Variants in MAGI3 observed in about 807,000 individuals in gnomAD.
The protein encoded by MAGI3 is membrane associated guanylate kinase, WW and PDZ domain containing 3, also known as membrane-associated guanylate kinase, WW and PDZ domain-containing protein 3.
In MAGI3, 43 loss-of-function variants were observed where a neutral mutation model predicts 121.8. That is an observed-to-expected ratio of 0.35 (90% confidence interval 0.28 to 0.46). The LOEUF (loss-of-function observed/expected upper bound fraction) is 0.46, where lower values mean the gene tolerates loss of function less well. MAGI3 is among the 20% of genes least tolerant of loss of function. The pLI is 1.00. For synonymous variants in MAGI3, 553 were observed against 639.3 expected (o/e 0.86, Z 2.04); for missense variants, 1,547 against 1,797.3 (o/e 0.86, Z 2.52).
At chr1:113,607,916 C>T (rs921115475) in intron 6 of MAGI3, among the ~76,000 whole-genome samples, 5 of 152,038 alleles carry the variant, frequency 3.3e-5, no homozygotes, top group Admixed American at 6.6e-5. Context: ...ACATATTTTT[C>T]GTCTTTGCCA....
At chr1:113,419,553 T>TG in intron 1 of MAGI3, among the ~76,000 whole-genome samples, 1 of 152,230 alleles carries the variant, frequency 6.6e-6, no homozygotes, top group East Asian at 1.9e-4. Context: ...TCTTTTGGGC[T>TG]GGGGGTGTAG....
intron 9 of MAGI3, among the ~76,000 whole-genome samples, chr1:113,623,856 A>T (rs1402999107): frequency 6.6e-6 from 1 of 151,762 alleles, no homozygotes; most frequent in Non-Finnish European, 1.5e-5. Context: ...CACCAACCCT[A>T]ACTACCCTTC....
At chr1:113,447,303 C>T (rs576532889) in intron 1 of MAGI3, among the ~76,000 whole-genome samples, 66 of 152,298 alleles carry the variant, frequency 4.3e-4, no homozygotes, top group Middle Eastern at 3.4e-3. Context: ...CAAGGGCCTT[C>T]TTGCTGCATT....
rs1655965408 is a variant in MAGI3 at position 113,478,617 on chromosome 1, A to T, written c.317-70898A>T. Among the ~76,000 whole-genome samples, 6 of 152,286 alleles carry T rather than the reference A, an allele frequency of 3.9e-5. No homozygotes were observed. The South Asian group carries it at 1.2e-3, about 32-fold the overall frequency. On this transcript the variant is annotated intron_variant, in intron 1 of 20. Transcript: ENST00000307546. ...ATTGCTGCCTGATCCTTCCTCTGGA[A>T]GCTTCGTCCCAGAGGGTCAGCTGTC...
chr1:113,475,839 T>G (rs193213074), intron 1 of MAGI3, among the ~76,000 whole-genome samples: 5 of 152,338 alleles, frequency 3.3e-5, no homozygotes, highest in Non-Finnish European at 5.9e-5. Context: ...AGAATTCGGC[T>G]GTGAATCCCT....
chr1:113,516,742 A>G (rs1051204343), intron 1 of MAGI3, among the ~76,000 whole-genome samples: 3 of 152,030 alleles, frequency 2.0e-5, no homozygotes, highest in Non-Finnish European at 4.4e-5. Context: ...AAAGAGCACA[A>G]TCAGTATAGG....
At position 113,683,196 on chromosome 1, in the gene MAGI3, A is replaced by G. The variant is rs770991791; in HGVS notation, c.3628A>G (p.Lys1210Glu). ...HGHSNKKNLL[K>E]VENGVTRRGR... Reference sequence around the variant, plus strand: ...GCACAGTAACAAGAAAAATCTATTAAAAGTAGAAAATGGTGTTACACGAAG... The same window carrying G: ...GCACAGTAACAAGAAAAATCTATTAGAAGTAGAAAATGGTGTTACACGAAG... Residue 1210 changes from lysine (K) to glutamate (E), a missense_variant, in exon 21 of 21, where the codon AAA (lysine) becomes GAA (glutamate). Physicochemically the swap from Lys to Glu is moderately conservative, Grantham distance 56. Transcript: ENST00000307546. 5 of 1,613,964 alleles carry G rather than the reference A, an allele frequency of 3.1e-6. No individual in the cohort carries two copies. In the East Asian group the frequency reaches 1.1e-4, roughly 36 times the overall value.
intron 1 of MAGI3, among the ~76,000 whole-genome samples, chr1:113,399,091 G>T (rs2101285721): frequency 1.3e-5 from 2 of 151,504 alleles, no homozygotes; most frequent in South Asian, 2.1e-4. Context: ...ATTATTATTT[G>T]GTTCTCTTTT....
intron 2 of MAGI3, among the ~76,000 whole-genome samples, chr1:113,550,450 A>G (rs529786053): frequency 1.3e-5 from 2 of 151,536 alleles, no homozygotes; most frequent in Non-Finnish European, 2.9e-5. Context: ...AAACTGGAAG[A>G]TTCTATATTG....
intron 6 of MAGI3, 72 bp from the exon 7 acceptor site, chr1:113,614,529 A>C: frequency 1.8e-6 from 2 of 1,122,818 alleles, no homozygotes; most frequent in African/African-American, 3.1e-5. Context: ...TGAAATAATA[A>C]ATTCACTCAC....
At position 113,683,946 on chromosome 1, in the gene MAGI3, G is replaced by C. The variant is rs781110393; in HGVS notation, c.4378G>C (p.Gly1460Arg). The C allele has an allele frequency of 1.9e-6, 3 of 1,608,972 alleles. No individual in the cohort carries two copies. Among genetic ancestry groups the C allele is most frequent in the South Asian group, 1.1e-5 (1 of 89,848 alleles). The change falls in exon 21 of 21, where the codon GGG (glycine) becomes CGG (arginine). Residue 1460 changes from glycine (G) to arginine (R), a missense_variant. Physicochemically the swap from Gly to Arg is moderately radical, Grantham distance 125. Transcript: ENST00000307546. ...AGTTAAGAAAACACTGATAACTCCA[G>C]GGCCCTGGAAGGTTCCAAGTGGAAA... ...SPVKKTLITP[G>R]PWKVPSGNKV...
chr1:113,646,457 A>T, intron 11 of MAGI3, 29 bp from the exon 12 acceptor site: 1 of 1,556,658 alleles, frequency 6.4e-7, no homozygotes, highest in Non-Finnish European at 8.7e-7. Context: ...TTTTTAAAAA[A>T]TACTAAGTAA....
At chr1:113,396,287 T>TTG (rs3058309) in intron 1 of MAGI3, among the ~76,000 whole-genome samples, 2,717 of 146,112 alleles carry the variant, frequency 0.019, 27 homozygotes, top group African/African-American at 0.026. Context: ...AATGTCAGGG[T>TTG]TGTGTGTGTG....
At chr1:113,490,522 T>C (rs1656618415) in intron 1 of MAGI3, among the ~76,000 whole-genome samples, 1 of 152,154 alleles carries the variant, frequency 6.6e-6, no homozygotes, top group South Asian at 2.1e-4. Context: ...GATCCAAACA[T>C]ACTAATACTA....
intron 1 of MAGI3, among the ~76,000 whole-genome samples, chr1:113,447,420 G>A (rs1466971944): frequency 1.3e-5 from 2 of 152,188 alleles, no homozygotes; most frequent in African/African-American, 4.8e-5. Flanking sequence ...TCATTCATAA[G>A]GGCACAGCCC....
chr1:113,409,158 G>C (rs1001645770), intron 1 of MAGI3, among the ~76,000 whole-genome samples: 1 of 150,166 alleles, frequency 6.7e-6, no homozygotes, highest in African/African-American at 2.4e-5. Flanking sequence ...GTTAAAAAAG[G>C]ATCTGTTCTT....
chr1:113,400,586 A>G (rs918374151), intron 1 of MAGI3, among the ~76,000 whole-genome samples: 7 of 152,152 alleles, frequency 4.6e-5, no homozygotes, highest in African/African-American at 1.7e-4. Context: ...AAAAGCCTGT[A>G]ATAATTAGAG....
chr1:113,518,304 G>T (rs1277160867), intron 1 of MAGI3, among the ~76,000 whole-genome samples: 1 of 152,020 alleles, frequency 6.6e-6, no homozygotes, highest in Non-Finnish European at 1.5e-5. Context: ...ATTTCTCTGA[G>T]TATGGCTTTA....
intron 2 of MAGI3, among the ~76,000 whole-genome samples, chr1:113,567,919 C>T (rs1660498752): frequency 6.6e-6 from 1 of 152,036 alleles, no homozygotes; most frequent in African/African-American, 2.4e-5. Flanking sequence ...CTTAAAAGAT[C>T]TCTCTTTGCA....
Sources: allele counts gnomAD v4.1 joint callset (sites outside exome capture counted in the v4.1 genomes callset), GRCh38; gene constraint gnomAD v4.1.1; transcripts MANE v1.5; gene names NCBI Gene and HGNC (gene_info 2026-07-23, HGNC 2026-07-21).